SDK1: variants seen among roughly 807,000 people sequenced by gnomAD.
The protein encoded by SDK1 is protein sidekick-1.
In SDK1, 157 loss-of-function variants were observed where a neutral mutation model predicts 245.5. That is an observed-to-expected ratio of 0.64 (90% confidence interval 0.56 to 0.73). SDK1 has a LOEUF of 0.73. Among genes scored for constraint, SDK1 ranks in the 30% least tolerant of loss-of-function variants. The pLI is 0.00. For missense variants in SDK1, 3,583 were observed against 3,002.3 expected (o/e 1.19, Z -4.52); for synonymous variants, 1,647 against 1,278.5 (o/e 1.29, Z -6.15).
Position 4,077,011 on chromosome 7 carries a change from T to C in SDK1, c.3024T>C (p.Ser1008=), listed in dbSNP as rs181254157. 4.3e-6 allele frequency: 7 copies of C among 1,613,986 alleles called. No individual in the cohort carries two copies. In the African/African-American group the frequency reaches 6.7e-5, roughly 15 times the overall value. Residue 1008 remains serine, a synonymous_variant, in exon 21 of 45, where the codon TCT becomes TCC. Coordinates refer to ENST00000404826, the MANE Select transcript of SDK1 (RefSeq NM_152744.4). ...GTTGCTTTCTAGGCTATCAGATCTC[T>C]TGGGAAGTGTACGGCAGGAACGACT... ...KNGIITGYQI[S]WEVYGRNDSR...
chr7:3,450,259 A>G (rs115244700), intron 1 of SDK1, among the ~76,000 whole-genome samples: 3,477 of 152,318 alleles, frequency 0.023, 147 homozygotes, highest in African/African-American at 0.079. Flanking sequence ...ACCCCAAACT[A>G]AGGTGACTGG....
In SDK1 at chr7:3,981,256, C is replaced by T. The variant is rs572748903; in HGVS notation, c.1995-5930C>T. 3.3e-5 allele frequency among the ~76,000 whole-genome samples: 5 copies of T among 152,238 alleles called. No individual in the cohort carries two copies. In the South Asian group the frequency reaches 1.0e-3, roughly 32 times the overall value. On this transcript the variant is annotated intron_variant, in intron 13 of 44. Transcript: ENST00000404826. ...TGTTTTGGGACACCATGAGCCACGC[C>T]GATGTTAAGATGGCAAACTTAAGCT...
At chr7:3,666,239 C>A (rs934596271) in intron 4 of SDK1, among the ~76,000 whole-genome samples, 4 of 152,186 alleles carry the variant, frequency 2.6e-5, no homozygotes, top group Admixed American at 2.6e-4. Context: ...TGGCCTTGTG[C>A]CGCCTGCATC....
At chr7:3,339,027 G>A (rs976721908) in intron 1 of SDK1, among the ~76,000 whole-genome samples, 1 of 152,140 alleles carries the variant, frequency 6.6e-6, no homozygotes, top group Non-Finnish European at 1.5e-5. Context: ...TGGCACAGTG[G>A]TTAAGAAAAC....
At chr7:3,980,368 C>A (rs1023116997) in intron 13 of SDK1, among the ~76,000 whole-genome samples, 1 of 152,192 alleles carries the variant, frequency 6.6e-6, no homozygotes, top group African/African-American at 2.4e-5. Context: ...CCCCTATTCT[C>A]TTTCAATTAC....
intron 1 of SDK1, among the ~76,000 whole-genome samples, chr7:3,351,359 A>G (rs909334950): frequency 2.0e-5 from 3 of 152,170 alleles, no homozygotes; most frequent in African/African-American, 7.2e-5. Flanking sequence ...AAAATTAGAA[A>G]ATGGACCTTA....
At chr7:4,028,230 C>T (rs1269177887) in intron 17 of SDK1, among the ~76,000 whole-genome samples, 1 of 152,134 alleles carries the variant, frequency 6.6e-6, no homozygotes, top group Non-Finnish European at 1.5e-5. Context: ...GACTCTAACA[C>T]CCACTCTAAT....
intron 1 of SDK1, among the ~76,000 whole-genome samples, chr7:3,550,426 A>G (rs1779364649): frequency 6.6e-6 from 1 of 152,234 alleles, no homozygotes; most frequent in Admixed American, 6.5e-5. Context: ...AGTTCAAAGC[A>G]GTCCTGACGC....
intron 35 of SDK1, among the ~76,000 whole-genome samples, chr7:4,183,113 C>G (rs886119566): frequency 6.6e-6 from 1 of 152,178 alleles, no homozygotes; most frequent in African/African-American, 2.4e-5. Context: ...AAACGGTCCT[C>G]ATGTGCTGAG....
At chr7:3,462,916 T>C (rs1350762158) in intron 1 of SDK1, among the ~76,000 whole-genome samples, 2 of 152,338 alleles carry the variant, frequency 1.3e-5, no homozygotes, top group East Asian at 3.9e-4. Flanking sequence ...CTTGCTTGCC[T>C]TCTCATTGCT....
At chr7:3,482,402 C>T (rs767774949) in intron 1 of SDK1, among the ~76,000 whole-genome samples, 10 of 152,082 alleles carry the variant, frequency 6.6e-5, no homozygotes, top group Admixed American at 6.5e-4. Flanking sequence ...GCATGGGACT[C>T]CGGAGATAGG....
intron 1 of SDK1, among the ~76,000 whole-genome samples, chr7:3,304,720 T>C (rs565902761): frequency 2.0e-5 from 3 of 152,324 alleles, no homozygotes; most frequent in African/African-American, 7.2e-5. Context: ...ACATTGGAAT[T>C]CGAGAACTAC....
rs142968606 is a variant in SDK1, at chr7:3,987,244, G to A, written c.2053G>A (p.Ala685Thr). 4.6e-5 allele frequency: 75 copies of A among 1,613,868 alleles called. No individual in the cohort carries two copies. Among genetic ancestry groups the A allele is most frequent in the Admixed American group, 2.5e-4 (15 of 59,994 alleles). Residue 685 changes from alanine to threonine, a missense_variant, in exon 14 of 45, where the codon GCC (alanine) becomes ACC (threonine). By Grantham distance (58) the Ala-to-Thr change is moderately conservative. Transcript: ENST00000404826. ...LVSPNSSHSH[A>T]VVLSWVRPFD... ...CAGCCCTAATTCTTCCCACAGCCAC[G>A]CCGTGGTGCTCTCTTGGGTCCGGCC...
chr7:3,450,013 C>T (rs1199538970), intron 1 of SDK1, among the ~76,000 whole-genome samples: 1 of 152,180 alleles, frequency 6.6e-6, no homozygotes, highest in Admixed American at 6.5e-5. Flanking sequence ...CACATCGGAG[C>T]TGCGCTCCAG....
intron 4 of SDK1, among the ~76,000 whole-genome samples, chr7:3,644,876 C>T (rs543717059): frequency 2.7e-5 from 4 of 150,374 alleles, no homozygotes; most frequent in East Asian, 2.0e-4. Flanking sequence ...CCAGTGCTGA[C>T]CACAGTATGA....
intron 4 of SDK1, among the ~76,000 whole-genome samples, chr7:3,758,015 C>T (rs1779985637): frequency 6.6e-6 from 1 of 152,138 alleles, no homozygotes; most frequent in Non-Finnish European, 1.5e-5. Flanking sequence ...GAACTGGGCA[C>T]AAAGACCAAA....
chr7:4,129,347 G>A (rs1328679699), intron 26 of SDK1, among the ~76,000 whole-genome samples: 1 of 70,626 alleles, frequency 1.4e-5, no homozygotes, highest in East Asian at 1.8e-3. Flanking sequence ...GTGCCCTGGA[G>A]GACAGCAGCT....
intron 4 of SDK1, among the ~76,000 whole-genome samples, chr7:3,650,728 C>A (rs1184210277): frequency 6.6e-6 from 1 of 152,134 alleles, no homozygotes; most frequent in Non-Finnish European, 1.5e-5. Flanking sequence ...CCTTCTTAAG[C>A]CCTAATAATC....
At chr7:3,812,210 G>A (rs955862901) in intron 4 of SDK1, among the ~76,000 whole-genome samples, 1 of 151,654 alleles carries the variant, frequency 6.6e-6, no homozygotes, top group Non-Finnish European at 1.5e-5. Flanking sequence ...GCCTGAATGT[G>A]CAAGCTCAGA....
Sources: gnomAD v4.1 joint callset for allele counts (sites outside exome capture counted in the v4.1 genomes callset) on GRCh38, gnomAD v4.1.1 for gene constraint, MANE v1.5 for transcripts, NCBI Gene and HGNC (gene_info 2026-07-23, HGNC 2026-07-21) for gene names.